Variants in TNXB observed in about 807,000 individuals in gnomAD.
TNXB encodes tenascin XB, also known as tenascin-X.
A neutral mutation model predicts 340.5 loss-of-function variants in TNXB; 183 were observed. That is an observed-to-expected ratio of 0.54 (90% CI 0.48 to 0.61). The LOEUF (loss-of-function observed/expected upper bound fraction) is 0.61, where lower values mean the gene tolerates loss of function less well. TNXB is among the 20% of genes least tolerant of loss of function. The pLI is 0.00. For synonymous variants in TNXB, 2,121 were observed against 2,314.5 expected (o/e 0.92, Z 2.40); for missense variants, 4,613 against 5,446.4 (o/e 0.85, Z 4.82).
Position 32,079,633 on chromosome 6 carries a change from C to A in TNXB, c.4043-268G>T, listed in dbSNP as rs954794680. Reference sequence around the variant, plus strand: ...AGCCTCTGAGGGTTCTTCCAAACCACGTTCACTGACAGTGCTGACCTCAGA... The same window carrying A: ...AGCCTCTGAGGGTTCTTCCAAACCAAGTTCACTGACAGTGCTGACCTCAGA... On this transcript the variant is annotated intron_variant, in intron 10 of 43. Transcript: ENST00000644971. The surrounding 1 kb of genome is among the most constrained non-coding windows in gnomAD (Gnocchi z 7.1). 3.9e-5 allele frequency among the ~76,000 whole-genome samples: 6 copies of A among 152,178 alleles called. No homozygotes were observed. Among genetic ancestry groups the A allele is most frequent in the Non-Finnish European group, 7.4e-5 (5 of 68,018 alleles).
chr6:32,061,839 A>G lies in TNXB; in HGVS notation c.7169-119T>C. 1 of 1,356,082 alleles carries G rather than the reference A, an allele frequency of 7.4e-7. No individual in the cohort carries two copies. Among genetic ancestry groups the G allele is most frequent in the Non-Finnish European group, 9.9e-7 (1 of 1,006,712 alleles). The allele number at this position is 1,356,082 out of a possible 1,614,324, so 84.0% of individuals were successfully genotyped here. ...ATATGAAATAGCCAAGGCTATGACT[A>G]GGGGACCTGAGGTCAGTTCAGAGAG... is the stretch of plus-strand genomic sequence containing the variant. On this transcript the variant is annotated intron_variant, in intron 20 of 43. Transcript: ENST00000644971. This position sits in a 1 kb window ranked among gnomAD's most constrained non-coding sequence, Gnocchi z 4.4.
chr6:32,085,408 G>T lies in TNXB; in HGVS notation c.3148+342C>A, dbSNP rs1444115693. Among the ~76,000 whole-genome samples the T allele has an allele frequency of 5.3e-5, 8 of 152,198 alleles. No individual in the cohort carries two copies. Among genetic ancestry groups the T allele is most frequent in the Admixed American group, 5.2e-4 (8 of 15,284 alleles). On this transcript the variant is annotated intron_variant, in intron 7 of 43. Transcript: ENST00000644971. The surrounding 1 kb of genome is among the most constrained non-coding windows in gnomAD (Gnocchi z 6.4). ...TTATAGGGCAGGGAAGGGCAGAGGA[G>T]CAACCGAAGAGTGGGGGCAGGGGAC... is the stretch of plus-strand genomic sequence containing the variant.
Position 32,081,293 on chromosome 6 carries a change from T to G in TNXB, c.4042+75A>C, listed in dbSNP as rs1779409531. 7.0e-7 allele frequency: 1 copy of G among 1,421,370 alleles called. No homozygotes were observed. Among genetic ancestry groups the G allele is most frequent in the Non-Finnish European group, 9.5e-7 (1 of 1,056,434 alleles). The allele number at this position is 1,421,370 out of a possible 1,614,324, so 88.0% of individuals were successfully genotyped here. ...TGAGAAGGCGAAGATGGAGGGAGGC[T>G]GGAAGGAGCCCCAGCCAAGTCCCGC... On this transcript the variant is annotated intron_variant, in intron 10 of 43. Transcript: ENST00000644971. The surrounding 1 kb of genome is among the most constrained non-coding windows in gnomAD (Gnocchi z 5.1).
At chr6:32,095,553 T>C (rs1780282517) in intron 3 of TNXB, 58 bp downstream of exon 3, 5 of 1,561,390 alleles carry the variant, frequency 3.2e-6, no homozygotes, top group Non-Finnish European at 4.4e-6. Context: ...GTCTTCCCCA[T>C]GGCTCCTGTT....
rs1779703642 is a variant in TNXB, at chr6:32,085,258, C to G, written c.3148+492G>C. Among the ~76,000 whole-genome samples the G allele has an allele frequency of 6.6e-6, 1 of 152,150 alleles. No homozygotes were observed. Among genetic ancestry groups the G allele is most frequent in the African/African-American group, 2.4e-5 (1 of 41,422 alleles). ...AGCCCCCTGCCCCAAGGAGCCTTCA[C>G]CCCCAGCAGAAACTGGCTGATGGGA... On this transcript the variant is annotated intron_variant, in intron 7 of 43. Transcript: ENST00000644971. The surrounding 1 kb of genome is among the most constrained non-coding windows in gnomAD (Gnocchi z 6.4).
In TNXB at chr6:32,084,561, CCT is replaced by C; in HGVS notation, c.3295_3296del (p.Arg1099GlyfsTer46). 1 of 1,608,960 alleles carries C rather than the reference CCT, an allele frequency of 6.2e-7. No homozygotes were observed. Among genetic ancestry groups the C allele is most frequent in the Non-Finnish European group, 8.5e-7 (1 of 1,178,686 alleles). ...CGGGCACCACCTGGGGCTGCCCGTC[CCT>C]GTCTTTGTACTGGATCACGAAGGAG... ...FDSFVIQYKDRDGQPQVVPVE... is the reference protein window; with the variant it reads ...FDSFVIQYKDXDGQPQVVPVE... On this transcript the variant is annotated frameshift_variant, in exon 8 of 44. Transcript: ENST00000644971. LOFTEE classifies it high-confidence loss of function. This position sits in a 1 kb window ranked among gnomAD's most constrained non-coding sequence, Gnocchi z 5.5.
Position 32,043,890 on chromosome 6 carries a change from C to G in TNXB, c.11389G>C (p.Glu3797Gln), listed in dbSNP as rs1776635597. The G allele has an allele frequency of 6.2e-7, 1 of 1,613,534 alleles. No homozygotes were observed. Among genetic ancestry groups the G allele is most frequent in the African/African-American group, 1.3e-5 (1 of 74,830 alleles). The change falls in exon 35 of 44, where the codon GAG (glutamate) becomes CAG (glutamine). Residue 3797 changes from glutamate to glutamine, a missense_variant and splice_region_variant. Coordinates refer to ENST00000644971, the MANE Select transcript of TNXB (RefSeq NM_001365276.2). The part of the protein sequence containing the change: ...KVSYQLADGG[E>Q]PQSVQVDGQA... Reference sequence around the variant, plus strand: ...CCATCCACCTGCACACTCTGAGGCTCCCCTGAAAACATTGGGGATCGAGGG... The same window carrying G: ...CCATCCACCTGCACACTCTGAGGCTGCCCTGAAAACATTGGGGATCGAGGG...
At position 32,096,163 on chromosome 6, in the gene TNXB, G is replaced by A. The variant is rs1175233708; in HGVS notation, c.1690C>T (p.Arg564Ter). The A allele has an allele frequency of 3.2e-6, 5 of 1,578,498 alleles. No homozygotes were observed. The highest frequency in any genetic ancestry group is 4.3e-6 in the Non-Finnish European group (5 of 1,164,658). ...CCATCTAGGCACTGGCCGCGGCCTC[G>A]GCAGCCCCCGGGGCAGCTGCGCGTG... Reference protein sequence around the residue: ...CSTRSCPGGCRGRGQCLDGRC... With the variant: ...CSTRSCPGGC The change falls in exon 3 of 44, where the codon CGA becomes TGA. Residue 564 changes from arginine (R) to a stop codon, truncating the protein, a stop_gained. Coordinates refer to ENST00000644971, the MANE Select transcript of TNXB (RefSeq NM_001365276.2). LOFTEE classifies it high-confidence loss of function.
intron 1 of TNXB, among the ~76,000 whole-genome samples, chr6:32,106,135 G>C (rs186338596): frequency 1.1e-4 from 16 of 151,850 alleles, no homozygotes; most frequent in East Asian, 1.9e-4. Flanking sequence ...GGGGCATGGG[G>C]GGGGGGGCTT....
At chr6:32,063,442 C>T (rs1462050722) in intron 19 of TNXB, among the ~76,000 whole-genome samples, 2 of 151,366 alleles carry the variant, frequency 1.3e-5, no homozygotes, top group Non-Finnish European at 2.9e-5. Context: ...ACCAACCAAA[C>T]ACAACAGGCA....
At chr6:32,107,310 C>T (rs1367600829) in intron 1 of TNXB, among the ~76,000 whole-genome samples, 1 of 152,156 alleles carries the variant, frequency 6.6e-6, no homozygotes, top group Non-Finnish European at 1.5e-5. Flanking sequence ...GAAGAGAGCT[C>T]ACCAGCTTTT....
At chr6:32,106,045 T>G (rs756069792) in intron 1 of TNXB, among the ~76,000 whole-genome samples, 1 of 143,322 alleles carries the variant, frequency 7.0e-6, no homozygotes, top group Non-Finnish European at 1.5e-5. Context: ...TCTATTTATG[T>G]GAAGTTTGAG....
In TNXB at chr6:32,046,029, G is replaced by C; in HGVS notation, c.10606+146C>G. The C allele has an allele frequency of 7.1e-7, 1 of 1,412,714 alleles. No individual in the cohort carries two copies. Among genetic ancestry groups the C allele is most frequent in the Non-Finnish European group, 9.2e-7 (1 of 1,086,902 alleles). 87.5% of individuals were successfully genotyped at this position (1,412,714 alleles called of 1,614,324 possible). A position where few individuals can be genotyped will look rare whatever the true frequency, so the allele number is the denominator to read the frequency against. ...CCTTGATGGATGTTGAAGCCCACAG[G>C]GCTGCAGACTCCTCCTCCTTCCTGG... is the stretch of plus-strand genomic sequence containing the variant. On this transcript the variant is annotated intron_variant, in intron 31 of 43. Transcript: ENST00000644971. The surrounding 1 kb of genome is among the most constrained non-coding windows in gnomAD (Gnocchi z 6.9).
At position 32,062,241 on chromosome 6, in the gene TNXB, C is replaced by T; in HGVS notation, c.7084G>A (p.Glu2362Lys). 1 of 1,613,282 alleles carries T rather than the reference C, an allele frequency of 6.2e-7. No individual in the cohort carries two copies. Residue 2362 changes from glutamate to lysine, a missense_variant, in exon 20 of 44, where the codon GAG (glutamate) becomes AAG (lysine). By Grantham distance (56) the Glu-to-Lys change is moderately conservative. Coordinates refer to ENST00000644971, the MANE Select transcript of TNXB (RefSeq NM_001365276.2). This position sits in a 1 kb window ranked among gnomAD's most constrained non-coding sequence, Gnocchi z 4.3. ...TTCATCTTGTACTTGTTGTCTGGCT[C>T]CAGGCCGGAGATGGTGACCCTGTCC... is the stretch of plus-strand genomic sequence containing the variant. ...HEDRVTISGL[E>K]PDNKYKMNLY...
chr6:32,070,231 G>A lies in TNXB; in HGVS notation c.5174C>T (p.Ser1725Phe). The A allele has an allele frequency of 3.1e-6, 5 of 1,611,914 alleles. No homozygotes were observed. Among genetic ancestry groups the A allele is most frequent in the Non-Finnish European group, 4.2e-6 (5 of 1,179,136 alleles). The change falls in exon 14 of 44, where the codon TCT (serine) becomes TTT (phenylalanine). Residue 1725 changes from serine (S) to phenylalanine (F), a missense_variant. This residue lies in a region of TNXB where 4,327 missense variants were observed against 4,859.4 expected (regional missense o/e 0.89). Coordinates refer to ENST00000644971, the MANE Select transcript of TNXB (RefSeq NM_001365276.2). This position sits in a 1 kb window ranked among gnomAD's most constrained non-coding sequence, Gnocchi z 6.0. ...GGCATCCAGAGGGGTGACAGTGACA[G>A]AGCGCTCATGGCCCTCCACGGGCAC... ...QVVPVEGHER[S>F]VTVTPLDAGR...
Position 32,075,252 on chromosome 6 carries a change from C to T in TNXB, c.4376-1300G>A, listed in dbSNP as rs1326673702. The stretch of plus-strand genomic sequence containing the variant: ...TAACACATTAGCCAGAGCTGGTTCC[C>T]GCAGTGGCTTCTACCTCACTCAGGG... On this transcript the variant is annotated intron_variant, in intron 11 of 43. Transcript: ENST00000644971. This position sits in a 1 kb window ranked among gnomAD's most constrained non-coding sequence, Gnocchi z 4.6. 1.3e-5 allele frequency among the ~76,000 whole-genome samples: 2 copies of T among 152,220 alleles called. No homozygotes were observed. Among genetic ancestry groups the T allele is most frequent in the Non-Finnish European group, 2.9e-5 (2 of 68,034 alleles).
rs1451828603 is a variant in TNXB at position 32,108,856 on chromosome 6, C to T, written c.-9+325G>A. On this transcript the variant is annotated intron_variant, in intron 1 of 43. Coordinates refer to ENST00000644971, the MANE Select transcript of TNXB (RefSeq NM_001365276.2). The surrounding 1 kb of genome is among the most constrained non-coding windows in gnomAD (Gnocchi z 4.8). The stretch of plus-strand genomic sequence containing the variant: ...TCCAGGGCCCAGGGGCTCACCTCAC[C>T]AATAACCACCTCTACCCTGGTTCCA... 1.3e-5 allele frequency among the ~76,000 whole-genome samples: 2 copies of T among 152,148 alleles called. No homozygotes were observed. Among genetic ancestry groups the T allele is most frequent in the African/African-American group, 4.8e-5 (2 of 41,436 alleles).
chr6:32,096,683 G>A lies in TNXB; in HGVS notation c.1170C>T (p.Cys390=), dbSNP rs1467433274. 1 of 1,552,444 alleles carries A rather than the reference G, an allele frequency of 6.4e-7. No individual in the cohort carries two copies. The highest frequency in any genetic ancestry group is 8.7e-7 in the Non-Finnish European group (1 of 1,152,534). ...AGTCGTCCCCGCTGTAGCCCGTGTCGCAAATGCATTCGCCGTCCTCGCAGC... is the reference window on the plus strand; with the variant it reads ...AGTCGTCCCCGCTGTAGCCCGTGTCACAAATGCATTCGCCGTCCTCGCAGC... The part of the protein sequence containing the change: ...RGRCEDGECI[C]DTGYSGDDCG... The change falls in exon 3 of 44, where the codon TGC becomes TGT. Residue 390 remains cysteine (C), a synonymous_variant. Transcript: ENST00000644971.
In TNXB at chr6:32,062,337, AC is replaced by A; in HGVS notation, c.6987del (p.Gln2329HisfsTer41). 6.2e-7 allele frequency: 1 copy of A among 1,613,546 alleles called. No individual in the cohort carries two copies. The highest frequency in any genetic ancestry group is 8.5e-7 in the Non-Finnish European group (1 of 1,179,874). Reference sequence around the variant, plus strand: ...TTGTACTGGACCAGGAAGTGGTCAAACTGTCCCTCGGGAACCGTCCAGGACA... The same window carrying A: ...TTGTACTGGACCAGGAAGTGGTCAAATGTCCCTCGGGAACCGTCCAGGACA... The part of the protein sequence containing the change: ...LSLSWTVPEG[Q>X]FDHFLVQYKN... On this transcript the variant is annotated frameshift_variant, in exon 20 of 44. Coordinates refer to ENST00000644971, the MANE Select transcript of TNXB (RefSeq NM_001365276.2). LOFTEE classifies it high-confidence loss of function. This position sits in a 1 kb window ranked among gnomAD's most constrained non-coding sequence, Gnocchi z 4.3.
Sources: gnomAD v4.1 joint callset for allele counts (sites outside exome capture counted in the v4.1 genomes callset) on GRCh38, gnomAD v4.1.1 for gene constraint, gnomAD v4.1.1 regional missense constraint, Gnocchi (gnomAD v3.1) non-coding constraint, MANE v1.5 for transcripts, NCBI Gene and HGNC (gene_info 2026-07-23, HGNC 2026-07-21) for gene names.